The following PCDHA11 variants were observed in gnomAD, a reference collection of about 807,000 sequenced individuals.
PCDHA11 encodes protocadherin alpha 11.
PCDHA11 carries 61 observed loss-of-function variants against 70.3 expected under a neutral mutation model. The observed-to-expected ratio is 0.87, with a 90% confidence interval of 0.71 to 1.07. PCDHA11 has a LOEUF of 1.07. PCDHA11 is among the 50% of genes least tolerant of loss of function. PCDHA11 has a pLI of 0.00. For synonymous variants in PCDHA11, 633 were observed against 555.1 expected (o/e 1.14, Z -1.97); for missense variants, 1,324 against 1,237.5 (o/e 1.07, Z -1.05).
intron 1 of PCDHA11, among the ~76,000 whole-genome samples, chr5:140,924,902 A>AAAAAAAT (rs1554202311): frequency 2.8e-4 from 11 of 39,026 alleles, no homozygotes; most frequent in Non-Finnish European, 5.7e-4. Context: ...CTCAAAAAAA[A>AAAAAAAT]AAATAAAATA....
intron 1 of PCDHA11, chr5:140,877,293 G>C (rs782717737): frequency 1.2e-6 from 2 of 1,613,936 alleles, no homozygotes; most frequent in Non-Finnish European, 1.7e-6. Context: ...ACGCTTGGCT[G>C]TCCTACGAGT....
rs199814121 is a variant in PCDHA11, at chr5:140,884,467, G to T, written c.2391+12973G>T. 3.9e-5 allele frequency: 63 copies of T among 1,613,778 alleles called. No individual in the cohort carries two copies. In the East Asian group the frequency reaches 1.3e-3, roughly 33 times the overall value. The stretch of plus-strand genomic sequence containing the variant: ...CACCGCCCACCGAGGGCGCGTGCGC[G>T]CCGGGCAAGCCCACTCTAGTGTGCT... On this transcript the variant is annotated intron_variant, in intron 1 of 3. Transcript: ENST00000398640.
intron 1 of PCDHA11, chr5:140,927,429 C>T: frequency 6.2e-7 from 1 of 1,614,118 alleles, no homozygotes; most frequent in Non-Finnish European, 8.5e-7. Flanking sequence ...GGGTTGACGG[C>T]AGCGAATACC....
chr5:140,873,995 G>A (rs1218409385), intron 1 of PCDHA11, among the ~76,000 whole-genome samples: 9 of 152,284 alleles, frequency 5.9e-5, no homozygotes, highest in African/African-American at 2.2e-4. Context: ...AGCATGTATG[G>A]TACATTGACC....
intron 1 of PCDHA11, among the ~76,000 whole-genome samples, chr5:140,933,894 A>G (rs2089494206): frequency 6.6e-6 from 1 of 151,894 alleles, no homozygotes; most frequent in Non-Finnish European, 1.5e-5. Context: ...ACTTTTGAAT[A>G]TTTTGGCATA....
chr5:140,915,850 C>A (rs2077335554), intron 1 of PCDHA11, among the ~76,000 whole-genome samples: 1 of 152,140 alleles, frequency 6.6e-6, no homozygotes, highest in South Asian at 2.1e-4. Context: ...GGGGTGACAC[C>A]AGCCAAGTTT....
At chr5:140,900,667 G>A (rs557447526) in intron 1 of PCDHA11, among the ~76,000 whole-genome samples, 12 of 152,222 alleles carry the variant, frequency 7.9e-5, no homozygotes, top group Non-Finnish European at 1.6e-4. Flanking sequence ...CAATGGGAGT[G>A]CAGTTATCTC....
At chr5:140,909,484 G>A (rs981292788) in intron 1 of PCDHA11, among the ~76,000 whole-genome samples, 1 of 152,180 alleles carries the variant, frequency 6.6e-6, no homozygotes, top group African/African-American at 2.4e-5. Context: ...CTAAATAGGA[G>A]AGCTGAACGG....
intron 1 of PCDHA11, chr5:140,875,945 CT>C (rs782069405): frequency 6.2e-7 from 1 of 1,614,144 alleles, no homozygotes; most frequent in South Asian, 1.1e-5. Flanking sequence ...GAGGGCGCTT[CT>C]GATGCGGATA....
At chr5:140,877,205 G>A in intron 1 of PCDHA11, 1 of 1,613,824 alleles carries the variant, frequency 6.2e-7, no homozygotes, top group South Asian at 1.1e-5. Flanking sequence ...GGCGCAGTTA[G>A]CGAGTTGGTA....
intron 3 of PCDHA11, among the ~76,000 whole-genome samples, chr5:140,996,703 C>G (rs2097740523): frequency 6.6e-6 from 1 of 152,132 alleles, no homozygotes; most frequent in African/African-American, 2.4e-5. Context: ...GAACCTCTAT[C>G]TCTTTGATTT....
At chr5:140,921,992 C>T (rs963694302) in intron 1 of PCDHA11, among the ~76,000 whole-genome samples, 1 of 151,726 alleles carries the variant, frequency 6.6e-6, no homozygotes, top group East Asian at 1.9e-4. Context: ...AAAAAGAGTT[C>T]AATGAAATGA....
chr5:140,968,201 C>T, intron 1 of PCDHA11: 1 of 1,614,032 alleles, frequency 6.2e-7, no homozygotes, highest in Non-Finnish European at 8.5e-7. Context: ...CATCTACATA[C>T]AGGAGAACAA....
At position 140,915,626 on chromosome 5, in the gene PCDHA11, G is replaced by GTCTCTCTCTC. The variant is rs57920489; in HGVS notation, c.2391+44153_2391+44162dup. 2.5e-3 allele frequency among the ~76,000 whole-genome samples: 366 copies of GTCTCTCTCTC among 146,512 alleles called. 2 individuals carry two copies. Among genetic ancestry groups the GTCTCTCTCTC allele is most frequent in the South Asian group, 3.6e-3 (16 of 4,500 alleles). ...ACTTTCTGTCAAACAGTCTCTTTCT[G>GTCTCTCTCTC]TCTCTCTCTCTCTCTCTCTCTCTCT... On this transcript the variant is annotated intron_variant, in intron 1 of 3. Coordinates refer to ENST00000398640, the MANE Select transcript of PCDHA11 (RefSeq NM_018902.5).
chr5:140,897,636 C>A (rs2066236074), intron 1 of PCDHA11, among the ~76,000 whole-genome samples: 1 of 152,038 alleles, frequency 6.6e-6, no homozygotes, highest in African/African-American at 2.4e-5. Context: ...GTGTATAGTG[C>A]CACAATAAAC....
intron 1 of PCDHA11, among the ~76,000 whole-genome samples, chr5:140,941,256 T>TTTCTTTCTTTCTTTCA (rs2092982969): frequency 2.2e-5 from 1 of 45,974 alleles, no homozygotes. Flanking sequence ...TCTTTCTTTC[T>TTTCTTTCTTTCTTTCA]CTTTCTTTCT....
intron 1 of PCDHA11, among the ~76,000 whole-genome samples, chr5:140,936,344 T>C (rs1403940424): frequency 6.6e-6 from 1 of 152,224 alleles, no homozygotes; most frequent in Non-Finnish European, 1.5e-5. Context: ...TATCTGCATA[T>C]ATGGAATGTG....
At chr5:140,988,874 T>G (rs1407460154) in intron 3 of PCDHA11, 2 of 152,194 alleles carry the variant, frequency 1.3e-5, no homozygotes, top group Non-Finnish European at 1.5e-5. Flanking sequence ...CACTCAGATG[T>G]ACGATCCTGG....
chr5:140,948,315 G>A (rs246048), intron 1 of PCDHA11, among the ~76,000 whole-genome samples: 85,363 of 151,182 alleles, frequency 0.56, 24,689 homozygotes, highest in African/African-American at 0.69. Context: ...TTCTTGAGGG[G>A]TAATGTTTTC....
Sources: allele counts gnomAD v4.1 joint callset (sites outside exome capture counted in the v4.1 genomes callset), GRCh38; gene constraint gnomAD v4.1.1; transcripts MANE v1.5; gene names NCBI Gene and HGNC (gene_info 2026-07-23, HGNC 2026-07-21).